Variants in FILIP1L observed in about 807,000 individuals in gnomAD.
FILIP1L encodes the protein filamin A interacting protein 1 like.
Under a neutral mutation model 96.6 loss-of-function variants are expected in FILIP1L, and 55 were observed. That is an observed-to-expected ratio of 0.57 (90% CI 0.46 to 0.71). The LOEUF (loss-of-function observed/expected upper bound fraction) is 0.71. Ranked by LOEUF, FILIP1L falls within the 30% of genes least tolerant of loss-of-function variation. The probability of loss-of-function intolerance (pLI) is 0.00; values close to 1 mark genes in which losing one functional copy is unlikely to be tolerated. For missense variants in FILIP1L, 1,304 were observed against 1,321.2 expected, an observed-to-expected ratio of 0.99 and a Z score of 0.20; for synonymous variants, 467 against 473.9, an observed-to-expected ratio of 0.99 and a Z score of 0.19.
chr3:99,843,935 G>T (rs1026830903), intron 5 of FILIP1L, among the ~76,000 whole-genome samples: 1 of 152,196 alleles, frequency 6.6e-6, no homozygotes. Context: ...CTCTTTATGA[G>T]ACTCTAGCTA....
At position 99,829,926 on chromosome 3, in the gene FILIP1L, A is replaced by T. The variant is rs1487252591; in HGVS notation, c.*488T>A. Among the ~76,000 whole-genome samples the T allele has an allele frequency of 1.3e-5, 2 of 152,212 alleles. No homozygotes were observed. The highest frequency in any genetic ancestry group is 4.8e-5 in the African/African-American group (2 of 41,446). ...TTTCCCTCCTGGTCATAAAGAAATC[A>T]TAGTTTTAGACCTTAAAGTGTGATT... On this transcript the variant is annotated 3_prime_UTR_variant, in exon 6 of 6. Coordinates refer to ENST00000477258, the MANE Select transcript of FILIP1L (RefSeq NM_001387850.1).
chr3:100,040,874 C>G (rs556151410), intron 1 of FILIP1L: 1 of 152,212 alleles, frequency 6.6e-6, no homozygotes, highest in East Asian at 1.9e-4. Context: ...TCCCTTGAGC[C>G]TGGATTATGC....
chr3:99,859,086 A>G (rs754414190), intron 4 of FILIP1L, among the ~76,000 whole-genome samples: 23 of 152,248 alleles, frequency 1.5e-4, no homozygotes, highest in Non-Finnish European at 2.9e-4. Context: ...TTCATAAGAC[A>G]TTGTGTTTTG....
intron 1 of FILIP1L, among the ~76,000 whole-genome samples, chr3:100,093,967 G>C (rs1559755226): frequency 6.6e-6 from 1 of 152,040 alleles, no homozygotes; most frequent in Non-Finnish European, 1.5e-5. Context: ...CATTTCCCTG[G>C]GATGAATGCC....
At chr3:99,861,339 T>C (rs544846234) in intron 4 of FILIP1L, among the ~76,000 whole-genome samples, 3 of 152,184 alleles carry the variant, frequency 2.0e-5, no homozygotes, top group South Asian at 2.1e-4. Flanking sequence ...GCCCTGTCCC[T>C]CTAGGGAGAA....
intron 1 of FILIP1L, chr3:100,025,486 T>C (rs1451595252): frequency 6.6e-6 from 1 of 152,094 alleles, no homozygotes. Context: ...AGGGTTAAAA[T>C]AGATAAATAA....
chr3:99,998,539 A>G (rs1182630702), intron 1 of FILIP1L, among the ~76,000 whole-genome samples: 1 of 152,146 alleles, frequency 6.6e-6, no homozygotes, highest in Non-Finnish European at 1.5e-5. Flanking sequence ...TTTGCAGGAG[A>G]AAAATGCAGG....
chr3:100,067,210 A>G (rs1413844298), intron 1 of FILIP1L, among the ~76,000 whole-genome samples: 1 of 151,894 alleles, frequency 6.6e-6, no homozygotes, highest in Non-Finnish European at 1.5e-5. Context: ...AAATAGGGAA[A>G]TTTTAGCATC....
chr3:100,028,021 G>A (rs115124961), intron 1 of FILIP1L, among the ~76,000 whole-genome samples: 2 of 152,260 alleles, frequency 1.3e-5, no homozygotes, highest in African/African-American at 4.8e-5. Flanking sequence ...TGAAATGATG[G>A]GGTTGGATTT....
intron 1 of FILIP1L, among the ~76,000 whole-genome samples, chr3:99,991,824 G>GTA (rs1023477317): frequency 5.6e-4 from 44 of 79,000 alleles, no homozygotes; most frequent in East Asian, 1.9e-3. Flanking sequence ...CATGGTGTGT[G>GTA]TATATATATA....
In FILIP1L at chr3:99,905,068, C is replaced by T. The variant is rs144733012; in HGVS notation, c.605+19162G>A. ...CCATGCCAGTTAACATAGTTGACTG[C>T]CTGGTGACTCCCACTGGTCTTTCCA... On this transcript the variant is annotated intron_variant, in intron 4 of 5. Coordinates refer to ENST00000477258, the MANE Select transcript of FILIP1L (RefSeq NM_001387850.1). Among the ~76,000 whole-genome samples, 695 of 152,332 alleles carry T rather than the reference C, an allele frequency of 4.6e-3. 2 individuals are homozygous for T. Among genetic ancestry groups the T allele is most frequent in the South Asian group, 7.1e-3 (34 of 4,822 alleles).
At chr3:100,055,876 T>C (rs6788750) in intron 1 of FILIP1L, among the ~76,000 whole-genome samples, 1 of 151,936 alleles carries the variant, frequency 6.6e-6, no homozygotes, top group East Asian at 1.9e-4. Flanking sequence ...AAGTTTTTCA[T>C]AACTACCTTC....
chr3:100,069,450 T>C (rs2065723905), intron 1 of FILIP1L, among the ~76,000 whole-genome samples: 1 of 152,144 alleles, frequency 6.6e-6, no homozygotes, highest in African/African-American at 2.4e-5. Flanking sequence ...AGAAAGGAGA[T>C]GGCTGGTTGT....
chr3:99,992,542 T>A (rs1365137147), intron 1 of FILIP1L, among the ~76,000 whole-genome samples: 1 of 152,140 alleles, frequency 6.6e-6, no homozygotes, highest in East Asian at 1.9e-4. Context: ...GTTGTTTGAG[T>A]TCCTTGTAGA....
intron 1 of FILIP1L, among the ~76,000 whole-genome samples, chr3:100,014,896 T>A: frequency 2.8e-5 from 2 of 70,258 alleles, no homozygotes; most frequent in East Asian, 4.2e-4. Flanking sequence ...TCTTTCTTTC[T>A]TTTTTTTTTT....
intron 1 of FILIP1L, among the ~76,000 whole-genome samples, chr3:99,956,684 T>G (rs1708329820): frequency 6.6e-6 from 1 of 152,220 alleles, no homozygotes; most frequent in South Asian, 2.1e-4. Context: ...CATCGCCTCT[T>G]AAATCTTGCC....
Position 99,848,322 on chromosome 3 carries a change from T to G in FILIP1L, c.3354A>C (p.Thr1118=). The stretch of plus-strand genomic sequence containing the variant: ...TAATTTGTGATTGTCGAGGAAGAGG[T>G]GTGGCTGTTGGTGTGATAGTAATAC... ...TSSITITPTA[T]PLPRQSQITI... The change falls in exon 5 of 6, where the codon ACA becomes ACC. Residue 1118 remains threonine (T), a synonymous_variant. Transcript: ENST00000477258. 1 of 1,614,034 alleles carries G rather than the reference T, an allele frequency of 6.2e-7. No homozygotes were observed. Among genetic ancestry groups the G allele is most frequent in the South Asian group, 1.1e-5 (1 of 91,082 alleles).
intron 1 of FILIP1L, among the ~76,000 whole-genome samples, chr3:99,960,102 C>G (rs2107701513): frequency 6.6e-6 from 1 of 152,244 alleles, no homozygotes. Context: ...TCCATCCCGA[C>G]CTGGGTTAAG....
chr3:99,883,115 C>T (rs150796813), intron 4 of FILIP1L, among the ~76,000 whole-genome samples: 2,400 of 152,264 alleles, frequency 0.016, 58 homozygotes, highest in African/African-American at 0.054. Context: ...CTTGTGTCTA[C>T]GCTTAGATTG....
Sources: gnomAD v4.1 joint callset for allele counts (sites outside exome capture counted in the v4.1 genomes callset) on GRCh38, gnomAD v4.1.1 for gene constraint, MANE v1.5 for transcripts, NCBI Gene and HGNC (gene_info 2026-07-23, HGNC 2026-07-21) for gene names.